CDK19: variants seen among roughly 807,000 people sequenced by gnomAD.
CDK19 encodes the protein cyclin-dependent kinase 19.
Under a neutral mutation model 68.3 loss-of-function variants are expected in CDK19, and 20 were observed. That is an observed-to-expected ratio of 0.29 (90% CI 0.21 to 0.43). CDK19 has a LOEUF of 0.43. Among genes scored for constraint, CDK19 ranks in the 20% least tolerant of loss-of-function variants. The probability of loss-of-function intolerance (pLI) is 1.00; values close to 1 mark genes in which losing one functional copy is unlikely to be tolerated. For missense variants in CDK19, 339 were observed against 623.5 expected (o/e 0.54, Z 4.86); for synonymous variants, 221 against 222.8 (o/e 0.99, Z 0.07).
rs76114155 is a variant in CDK19 at position 110,781,432 on chromosome 6, C to G, written c.128+33577G>C. On this transcript the variant is annotated intron_variant, in intron 1 of 12. Coordinates refer to ENST00000368911, the MANE Select transcript of CDK19 (RefSeq NM_015076.5). ...CCCAAACACTTCCCAGTTAGCCCCA[C>G]TTCCAACACCGGAGATCAATTTCCA... Among the ~76,000 whole-genome samples the G allele has an allele frequency of 1.8e-3, 271 of 152,332 alleles. 12 individuals carry two copies. In the South Asian group the frequency reaches 0.055, roughly 31 times the overall value.
chr6:110,740,421 G>A (rs1000081896), intron 2 of CDK19, among the ~76,000 whole-genome samples: 5 of 152,172 alleles, frequency 3.3e-5, no homozygotes, highest in Non-Finnish European at 7.4e-5. Context: ...ATAATGTAAA[G>A]TGTAAAGCAC....
intron 2 of CDK19, among the ~76,000 whole-genome samples, chr6:110,730,650 T>C (rs1776679740): frequency 6.6e-6 from 1 of 152,250 alleles, no homozygotes; most frequent in Non-Finnish European, 1.5e-5. Flanking sequence ...ACAATTCATG[T>C]ATGTTTGTAA....
intron 1 of CDK19, among the ~76,000 whole-genome samples, chr6:110,750,608 A>G (rs1778413084): frequency 6.6e-6 from 1 of 152,218 alleles, no homozygotes; most frequent in South Asian, 2.1e-4. Context: ...CTTTACATAG[A>G]AAGAAACCCC....
At chr6:110,696,952 G>A (rs1204294252) in intron 2 of CDK19, among the ~76,000 whole-genome samples, 3 of 151,876 alleles carry the variant, frequency 2.0e-5, no homozygotes, top group Non-Finnish European at 4.4e-5. Context: ...CCAGCTACTC[G>A]AGAGGCTGAG....
At chr6:110,632,252 C>G in intron 5 of CDK19, 91 bp from the exon 6 acceptor site, 1 of 950,822 alleles carries the variant, frequency 1.1e-6, no homozygotes, top group Admixed American at 2.6e-5. Flanking sequence ...GTTTGACATG[C>G]TATTAGAACC....
At chr6:110,663,629 TA>T (rs1348379765) in intron 4 of CDK19, among the ~76,000 whole-genome samples, 1 of 152,210 alleles carries the variant, frequency 6.6e-6, no homozygotes, top group Non-Finnish European at 1.5e-5. Flanking sequence ...CCTCCTGGGC[TA>T]AAGCAGTCCT....
rs556772611 is a variant in CDK19 at position 110,798,841 on chromosome 6, C to G, written c.128+16168G>C. 1.1e-3 allele frequency among the ~76,000 whole-genome samples: 174 copies of G among 151,816 alleles called. 2 individuals carry two copies. Among genetic ancestry groups the G allele is most frequent in the Non-Finnish European group, 1.6e-3 (109 of 67,952 alleles). On this transcript the variant is annotated intron_variant, in intron 1 of 12. Coordinates refer to ENST00000368911, the MANE Select transcript of CDK19 (RefSeq NM_015076.5). ...AATCTACACATCCTATATGAAAATG[C>G]TACTTAAAAAGACATCCTCAGCCAG...
At chr6:110,715,417 A>T (rs867072866) in intron 2 of CDK19, among the ~76,000 whole-genome samples, 24 of 152,344 alleles carry the variant, frequency 1.6e-4, no homozygotes, top group South Asian at 6.2e-4. Flanking sequence ...TAAGAATCAG[A>T]CAGAAAATGA....
intron 1 of CDK19, among the ~76,000 whole-genome samples, chr6:110,782,912 G>A (rs1380676375): frequency 6.6e-6 from 1 of 152,046 alleles, no homozygotes; most frequent in African/African-American, 2.4e-5. Flanking sequence ...TGCTTCCTCT[G>A]CATAGACTAA....
intron 2 of CDK19, among the ~76,000 whole-genome samples, chr6:110,692,666 CA>C (rs1418975904): frequency 1.3e-5 from 2 of 152,084 alleles, no homozygotes; most frequent in African/African-American, 2.4e-5. Context: ...GCAAAAAGGT[CA>C]TCATAAAGGC....
intron 5 of CDK19, among the ~76,000 whole-genome samples, chr6:110,634,742 T>C (rs189764100): frequency 2.4e-4 from 37 of 152,364 alleles, no homozygotes; most frequent in Admixed American, 1.4e-3. Context: ...GGCACTGTTT[T>C]ATATATTTAA....
intron 2 of CDK19, among the ~76,000 whole-genome samples, chr6:110,671,010 G>A (rs781603122): frequency 1.3e-5 from 2 of 151,948 alleles, no homozygotes; most frequent in Non-Finnish European, 2.9e-5. Context: ...AGAAACAGGC[G>A]ACAAAACAAG....
chr6:110,646,572 C>T, intron 4 of CDK19: 1 of 927,848 alleles, frequency 1.1e-6, no homozygotes, highest in South Asian at 2.8e-5. Flanking sequence ...CGGCCACCTG[C>T]AGGGGGTCAA....
chr6:110,661,250 A>G (rs1459007036), intron 4 of CDK19, among the ~76,000 whole-genome samples: 1 of 152,214 alleles, frequency 6.6e-6, no homozygotes, highest in Admixed American at 6.5e-5. Context: ...CACATTCAGT[A>G]AGCTCCTTAA....
chr6:110,614,547 G>C lies in CDK19; in HGVS notation c.1497C>G (p.Ala499=), dbSNP rs764880694. The C allele has an allele frequency of 7.4e-6, 12 of 1,613,980 alleles. No individual in the cohort carries two copies. Among genetic ancestry groups the C allele is most frequent in the Non-Finnish European group, 1.0e-5 (12 of 1,179,968 alleles). ...QSSQYHPSHQ[A]HRY is the part of the protein sequence containing the mutation. ...CAACGGGAGCTGGTCAGTACCGGTG[G>C]GCCTGGTGAGATGGGTGGTACTGTG... is the stretch of plus-strand genomic sequence containing the variant. The change falls in exon 13 of 13, where the codon GCC becomes GCG. Residue 499 remains alanine (A), a synonymous_variant. Transcript: ENST00000368911.
Position 110,617,474 on chromosome 6 carries a change from C to T in CDK19, c.1378-2808G>A, listed in dbSNP as rs543624188. ...TACATGGCTGTCTACACTTTGTTGA[C>T]CCTAAACCATAAAAATGGACAATTT... On this transcript the variant is annotated intron_variant, in intron 12 of 12. Transcript: ENST00000368911. 2.6e-5 allele frequency among the ~76,000 whole-genome samples: 4 copies of T among 151,900 alleles called. No individual in the cohort carries two copies. In the South Asian group the frequency reaches 6.2e-4, roughly 24 times the overall value.
chr6:110,661,441 T>TA (rs1293453539), intron 4 of CDK19, among the ~76,000 whole-genome samples: 5 of 111,756 alleles, frequency 4.5e-5, no homozygotes, highest in South Asian at 3.7e-4. Flanking sequence ...CAACATTTCT[T>TA]TTTTATTTTA....
intron 1 of CDK19, among the ~76,000 whole-genome samples, chr6:110,766,724 G>C (rs1257418768): frequency 6.6e-6 from 1 of 152,176 alleles, no homozygotes; most frequent in African/African-American, 2.4e-5. Context: ...ATCCTACCTA[G>C]TGCAATGGCT....
intron 2 of CDK19, among the ~76,000 whole-genome samples, chr6:110,692,847 A>G (rs1175320745): frequency 6.6e-6 from 1 of 152,122 alleles, no homozygotes; most frequent in Non-Finnish European, 1.5e-5. Context: ...AAATACAAAC[A>G]TTAGCCAGAC....
Sources: allele counts gnomAD v4.1 joint callset (sites outside exome capture counted in the v4.1 genomes callset), GRCh38; gene constraint gnomAD v4.1.1; transcripts MANE v1.5; gene names NCBI Gene and HGNC (gene_info 2026-07-23, HGNC 2026-07-21).